The following MLXIPL variants were observed in gnomAD, a reference collection of about 807,000 sequenced individuals.
MLXIPL encodes the protein MLX interacting protein like, also known as carbohydrate-responsive element-binding protein.
Under a neutral mutation model 81.5 loss-of-function variants are expected in MLXIPL, and 49 were observed. The ratio of observed to expected loss-of-function variants is 0.60; its 90% CI spans 0.48 to 0.76. The LOEUF (loss-of-function observed/expected upper bound fraction) is 0.76. Ranked by LOEUF, MLXIPL falls within the 30% of genes least tolerant of loss-of-function variation. The pLI, the probability that MLXIPL is intolerant of heterozygous loss-of-function variation, is 0.00. For missense variants in MLXIPL, 1,053 were observed against 1,167.0 expected, an observed-to-expected ratio of 0.90 and a Z score of 1.42; for synonymous variants, 466 against 485.5, an observed-to-expected ratio of 0.96 and a Z score of 0.53.
chr7:73,609,557 TG>T (rs1795555464), intron 2 of MLXIPL: 1 of 118,306 alleles, frequency 8.5e-6, no homozygotes, highest in Non-Finnish European at 1.9e-5. Context: ...GGCCGCTTTG[TG>T]TGTGTGTGTG....
chr7:73,594,826 C>T (rs1346757596), intron 15 of MLXIPL, among the ~76,000 whole-genome samples: 3 of 148,108 alleles, frequency 2.0e-5, no homozygotes, highest in East Asian at 4.0e-4. Flanking sequence ...GAATTACAGG[C>T]GTGAGCCACT....
chr7:73,617,328 T>C (rs1796065361), intron 1 of MLXIPL, among the ~76,000 whole-genome samples: 1 of 151,930 alleles, frequency 6.6e-6, no homozygotes, highest in African/African-American at 2.4e-5. Flanking sequence ...CGAGGGTGCC[T>C]CTTTATAGAG....
In MLXIPL at chr7:73,623,056, GGGTTGCAACATGACCT is replaced by G. The variant is rs1796482615; in HGVS notation, c.293+1128_293+1143del. On this transcript the variant is annotated intron_variant, in intron 1 of 16. Transcript: ENST00000313375. The surrounding 1 kb of genome is among the most constrained non-coding windows in gnomAD (Gnocchi z 5.7). ...CACGGGTCCGACGCCCTGGCCGATC[GGGTTGCAACATGACCT>G]GGGCCAGGGGCCAGAGCTTGTGGGC... 2.6e-5 allele frequency among the ~76,000 whole-genome samples: 4 copies of G among 152,118 alleles called. No individual in the cohort carries two copies. Among genetic ancestry groups the G allele is most frequent in the Admixed American group, 2.6e-4 (4 of 15,256 alleles).
At chr7:73,601,851 T>C (rs34346326) in intron 7 of MLXIPL, among the ~76,000 whole-genome samples, 23,294 of 151,964 alleles carry the variant, frequency 0.15, 1,922 homozygotes, top group Non-Finnish European at 0.19. Flanking sequence ...GTCAGTGGCT[T>C]TGCTTTGCAG....
chr7:73,611,861 T>A (rs2116414547), intron 2 of MLXIPL, among the ~76,000 whole-genome samples: 2 of 151,548 alleles, frequency 1.3e-5, no homozygotes, highest in South Asian at 4.2e-4. Flanking sequence ...AAATGGACAC[T>A]GATAGGATTG....
chr7:73,593,782 G>A lies in MLXIPL; in HGVS notation c.*83C>T. 2 of 1,219,728 alleles carry A rather than the reference G, an allele frequency of 1.6e-6. No individual in the cohort carries two copies. The highest frequency in any genetic ancestry group is 2.4e-6 in the Non-Finnish European group (2 of 822,952). The allele number at this position is 1,219,728 out of a possible 1,614,324, so 75.6% of individuals were successfully genotyped here. A position where few individuals can be genotyped will look rare whatever the true frequency, so the allele number is the denominator to read the frequency against. On this transcript the variant is annotated 3_prime_UTR_variant, in exon 17 of 17. Transcript: ENST00000313375. ...AGCCAGGGCCTGGGGCAGGAAGGGA[G>A]TGCCCAGAGATGATCCCTGGAGCCC...
chr7:73,612,074 C>G (rs891992201), intron 2 of MLXIPL, among the ~76,000 whole-genome samples: 1 of 152,020 alleles, frequency 6.6e-6, no homozygotes, highest in Non-Finnish European at 1.5e-5. Context: ...GCCTGTAGCC[C>G]CAACATTTTG....
the MLXIPL span, among the ~76,000 whole-genome samples, chr7:73,647,723 T>C: frequency 3.9e-5 from 6 of 151,974 alleles, no homozygotes; most frequent in African/African-American, 1.2e-4. Context: ...CCAATTCCCC[T>C]TGGGTGAGGC....
At chr7:73,601,618 C>T (rs1370680810) in intron 7 of MLXIPL, among the ~76,000 whole-genome samples, 3 of 152,092 alleles carry the variant, frequency 2.0e-5, no homozygotes, top group Non-Finnish European at 4.4e-5. Flanking sequence ...GCAACCTCCA[C>T]CTCCTGGGTT....
At chr7:73,604,976 G>T (rs1259972174) in intron 7 of MLXIPL, among the ~76,000 whole-genome samples, 1 of 152,102 alleles carries the variant, frequency 6.6e-6, no homozygotes, top group African/African-American at 2.4e-5. Context: ...TATTGGTCAG[G>T]TTGGTCTCGA....
rs1794368481 is a variant in MLXIPL, at chr7:73,596,872, C to G, written c.1664G>C (p.Gly555Ala). The change falls in exon 10 of 17, where the codon GGG becomes GCG. Residue 555 changes from glycine (G) to alanine (A), a missense_variant. Physicochemically the swap from Gly to Ala is moderately conservative, Grantham distance 60 (BLOSUM62 0). Transcript: ENST00000313375. The surrounding 1 kb of genome is among the most constrained non-coding windows in gnomAD (Gnocchi z 4.7). The part of the protein sequence containing the change: ...LVSSTLLRSP[G>A]SPQETVPEFP... ...CAGTGCCCGAGATCTTACCGGGGAC[C>G]CTGGGGACCGGAGGAGGGTGCTGGA... The G allele has an allele frequency of 6.2e-7, 1 of 1,611,536 alleles. No homozygotes were observed. Among genetic ancestry groups the G allele is most frequent in the East Asian group, 2.2e-5 (1 of 44,860 alleles).
intron 1 of MLXIPL, among the ~76,000 whole-genome samples, chr7:73,622,757 A>C (rs2116528038): frequency 6.8e-6 from 1 of 146,526 alleles, no homozygotes; most frequent in African/African-American, 2.5e-5. Flanking sequence ...TGGGGGGGCA[A>C]TTTTGGGGGT....
At chr7:73,608,007 C>T (rs192903709) in intron 2 of MLXIPL, among the ~76,000 whole-genome samples, 2 of 151,926 alleles carry the variant, frequency 1.3e-5, no homozygotes, top group African/African-American at 4.8e-5. Flanking sequence ...CAGGCGCCCA[C>T]GACCAGGCCC....
At chr7:73,627,133 G>A (rs915279171), upstream of MLXIPL, among the ~76,000 whole-genome samples, 11 of 152,230 alleles carry the variant, frequency 7.2e-5, no homozygotes, top group Middle Eastern at 3.4e-3. Flanking sequence ...TCTGTAGGAT[G>A]TGCATTCTCT....
the MLXIPL span, among the ~76,000 whole-genome samples, chr7:73,644,358 C>T: frequency 1.6e-3 from 242 of 152,072 alleles, no homozygotes; most frequent in African/African-American, 5.0e-3. Flanking sequence ...TACAGGTGCC[C>T]GCCAACATGC....
In MLXIPL at chr7:73,593,606, A is replaced by T. The variant is rs1487653880; in HGVS notation, c.*259T>A. On this transcript the variant is annotated 3_prime_UTR_variant, in exon 17 of 17. Coordinates refer to ENST00000313375, the MANE Select transcript of MLXIPL (RefSeq NM_032951.3). ...CCCCATCCCCATTTTGCAGATTGAAACACAGCGGTCCAAAGACAGCGGACG... is the reference window on the plus strand; with the variant it reads ...CCCCATCCCCATTTTGCAGATTGAATCACAGCGGTCCAAAGACAGCGGACG... 1 of 461,414 alleles carries T rather than the reference A, an allele frequency of 2.2e-6. No homozygotes were observed. Among genetic ancestry groups the T allele is most frequent in the Non-Finnish European group, 4.0e-6 (1 of 248,086 alleles). 28.6% of individuals were successfully genotyped at this position (461,414 alleles called of 1,614,324 possible).
the MLXIPL span, among the ~76,000 whole-genome samples, chr7:73,644,649 C>G: frequency 1.3e-3 from 203 of 152,308 alleles, no homozygotes; most frequent in African/African-American, 4.5e-3. Flanking sequence ...TTTCCTCCCC[C>G]CAGCCCGCCC....
In MLXIPL at chr7:73,602,224, T is replaced by TC. The variant is rs1334109308; in HGVS notation, c.902-2530_902-2529insG. On this transcript the variant is annotated intron_variant, in intron 7 of 16. Coordinates refer to ENST00000313375, the MANE Select transcript of MLXIPL (RefSeq NM_032951.3). ...CTCTCTCTTTCTCTCTTTCTTTCTT[T>TC]TTTTTTTTTTGAGATGGAGTCTCGC... Among the ~76,000 whole-genome samples the TC allele has an allele frequency of 9.7e-3, 1,421 of 146,108 alleles. 21 individuals are homozygous for TC. The highest frequency in any genetic ancestry group is 0.032 in the African/African-American group (1,266 of 39,628).
rs782135075 is a variant in MLXIPL, at chr7:73,596,263, G to A, written c.1948C>T (p.Arg650Trp). ...GRPDSNKTEN[R>W]RITHISAEQK... ...TCCGCGGAGATGTGTGTGATACGCC[G>A]GTTCTCGGTCTCGGGGAGCAGAGAG... Residue 650 changes from arginine (R) to tryptophan (W), a missense_variant, in exon 13 of 17, where the codon CGG (arginine) becomes TGG (tryptophan). Arg to Trp is a moderately radical substitution (Grantham distance 101). This residue lies in a region of MLXIPL where 823 missense variants were observed against 933.0 expected (regional missense o/e 0.88). Coordinates refer to ENST00000313375, the MANE Select transcript of MLXIPL (RefSeq NM_032951.3). This position sits in a 1 kb window ranked among gnomAD's most constrained non-coding sequence, Gnocchi z 4.7. The A allele has an allele frequency of 8.7e-6, 14 of 1,613,490 alleles. No homozygotes were observed. The South Asian group carries it at 9.9e-5, about 11-fold the overall frequency.
Sources: gnomAD v4.1 joint callset for allele counts (sites outside exome capture counted in the v4.1 genomes callset) on GRCh38, gnomAD v4.1.1 for gene constraint, gnomAD v4.1.1 regional missense constraint, Gnocchi (gnomAD v3.1) non-coding constraint, MANE v1.5 for transcripts, NCBI Gene and HGNC (gene_info 2026-07-23, HGNC 2026-07-21) for gene names.